SLC24A3: variants seen among roughly 807,000 people sequenced by gnomAD.
The protein encoded by SLC24A3 is solute carrier family 24 member 3.
In SLC24A3, 28 loss-of-function variants were observed where a neutral mutation model predicts 75.8. The ratio of observed to expected loss-of-function variants is 0.37; its 90% CI spans 0.27 to 0.51. The LOEUF is 0.51. Ranked by LOEUF, SLC24A3 falls within the 20% of genes least tolerant of loss-of-function variation. The pLI is 0.94. For synonymous variants in SLC24A3, 372 were observed against 334.1 expected (o/e 1.11, Z -1.24); for missense variants, 663 against 847.8 (o/e 0.78, Z 2.71).
intron 2 of SLC24A3, among the ~76,000 whole-genome samples, chr20:19,395,801 A>C (rs2122395804): frequency 6.6e-6 from 1 of 152,262 alleles, no homozygotes; most frequent in South Asian, 2.1e-4. Context: ...TGGGGTTGTA[A>C]AAGGTTGTGT....
chr20:19,313,620 T>C (rs1163771981), intron 2 of SLC24A3, among the ~76,000 whole-genome samples: 1 of 152,234 alleles, frequency 6.6e-6, no homozygotes, highest in Non-Finnish European at 1.5e-5. Context: ...AGGTCTTTCT[T>C]TTCTTAGTTG....
At chr20:19,685,010 G>T (rs2032657210) in intron 11 of SLC24A3, 90 bp from the exon 12 acceptor site, 24 of 1,476,004 alleles carry the variant, frequency 1.6e-5, no homozygotes, top group Middle Eastern at 2.5e-4. Flanking sequence ...ATCGTCAGCT[G>T]CCAGGGAAAG....
In SLC24A3 at chr20:19,343,084, AG is replaced by A. The variant is rs373026923; in HGVS notation, c.271+61998del. Among the ~76,000 whole-genome samples the A allele has an allele frequency of 2.0e-4, 29 of 145,388 alleles. 2 individuals carry two copies. Among genetic ancestry groups the A allele is most frequent in the South Asian group, 6.4e-4 (3 of 4,716 alleles). On this transcript the variant is annotated intron_variant, in intron 2 of 16. Coordinates refer to ENST00000328041, the MANE Select transcript of SLC24A3 (RefSeq NM_020689.4). ...GACTCCATCTCAAAAAAAAAAAAAA[AG>A]AAAAAAGAAAAAGAAAAAGAAAAGG...
Position 19,722,917 on chromosome 20 carries a change from C to G in SLC24A3, c.*1777C>G, listed in dbSNP as rs1600359068. On this transcript the variant is annotated 3_prime_UTR_variant, in exon 17 of 17. Coordinates refer to ENST00000328041, the MANE Select transcript of SLC24A3 (RefSeq NM_020689.4). The stretch of plus-strand genomic sequence containing the variant: ...TCTCTATCCTTCCCAGAGCAGAGTG[C>G]ATTACTTTCTCCCCTGGAAAGCTGT... 1 of 152,770 alleles carries G rather than the reference C, an allele frequency of 6.5e-6. No individual in the cohort carries two copies. Among genetic ancestry groups the G allele is most frequent in the East Asian group, 1.9e-4 (1 of 5,188 alleles). 9.5% of individuals were successfully genotyped at this position (152,770 alleles called of 1,614,324 possible).
chr20:19,688,631 C>T (rs1302148736), intron 12 of SLC24A3, among the ~76,000 whole-genome samples: 1 of 152,212 alleles, frequency 6.6e-6, no homozygotes, highest in East Asian at 1.9e-4. Flanking sequence ...TGAAAAAGAT[C>T]CGTCCACATG....
intron 15 of SLC24A3, among the ~76,000 whole-genome samples, chr20:19,711,912 A>G (rs951469831): frequency 1.3e-5 from 2 of 151,962 alleles, no homozygotes; most frequent in African/African-American, 4.8e-5. Context: ...TGCTAGGGTT[A>G]CAGGTGTGAG....
intron 2 of SLC24A3, among the ~76,000 whole-genome samples, chr20:19,387,375 G>A (rs1041533531): frequency 2.5e-4 from 38 of 151,396 alleles, no homozygotes; most frequent in Non-Finnish European, 3.8e-4. Flanking sequence ...TGCTGACTTT[G>A]GGCTTCATTC....
chr20:19,492,051 G>T (rs1262821090), intron 2 of SLC24A3, among the ~76,000 whole-genome samples: 2 of 152,186 alleles, frequency 1.3e-5, no homozygotes, highest in African/African-American at 2.4e-5. Context: ...CCGAAGCGGG[G>T]TGCAGATGAA....
chr20:19,525,711 G>A (rs2030186697), intron 3 of SLC24A3, among the ~76,000 whole-genome samples: 1 of 152,134 alleles, frequency 6.6e-6, no homozygotes, highest in Non-Finnish European at 1.5e-5. Flanking sequence ...GGACGAGGAC[G>A]GGCACCAACG....
chr20:19,546,654 A>G (rs998020174), intron 3 of SLC24A3, among the ~76,000 whole-genome samples: 1 of 152,180 alleles, frequency 6.6e-6, no homozygotes, highest in African/African-American at 2.4e-5. Context: ...GCAATTTTTA[A>G]GGTCCTTTCC....
chr20:19,655,516 GGTGT>G, intron 7 of SLC24A3, among the ~76,000 whole-genome samples: 1 of 152,288 alleles, frequency 6.6e-6, no homozygotes, highest in East Asian at 1.9e-4. Flanking sequence ...ACTGGGCTAA[GGTGT>G]GCCCAGAGGG....
intron 2 of SLC24A3, among the ~76,000 whole-genome samples, chr20:19,468,962 A>G (rs1196589565): frequency 6.6e-6 from 1 of 152,198 alleles, no homozygotes; most frequent in Non-Finnish European, 1.5e-5. Flanking sequence ...TGAGGGTTCT[A>G]GAGTGAATGG....
chr20:19,529,312 A>C lies in SLC24A3; in HGVS notation c.348+13748A>C, dbSNP rs548584493. Among the ~76,000 whole-genome samples the C allele has an allele frequency of 1.5e-4, 23 of 152,254 alleles. No homozygotes were observed. In the East Asian group the frequency reaches 4.3e-3, roughly 28 times the overall value. ...GAGCTATGAGGTTTTAGAAGACAAAATTATTTCATTCTCCTTGCAAACCTG... is the reference window on the plus strand; with the variant it reads ...GAGCTATGAGGTTTTAGAAGACAAACTTATTTCATTCTCCTTGCAAACCTG... On this transcript the variant is annotated intron_variant, in intron 3 of 16. Coordinates refer to ENST00000328041, the MANE Select transcript of SLC24A3 (RefSeq NM_020689.4).
intron 6 of SLC24A3, among the ~76,000 whole-genome samples, chr20:19,588,202 G>A (rs951253357): frequency 6.6e-5 from 10 of 152,206 alleles, no homozygotes; most frequent in African/African-American, 1.9e-4. Context: ...GCTCTCCCAG[G>A]CGGTGGAGTT....
At chr20:19,302,570 T>C (rs999332713) in intron 2 of SLC24A3, among the ~76,000 whole-genome samples, 1 of 152,256 alleles carries the variant, frequency 6.6e-6, no homozygotes, top group Non-Finnish European at 1.5e-5. Flanking sequence ...ATTTGCCTTG[T>C]CAGGTCTTCT....
At chr20:19,252,060 C>T (rs1179467548) in intron 1 of SLC24A3, among the ~76,000 whole-genome samples, 4 of 152,114 alleles carry the variant, frequency 2.6e-5, no homozygotes, top group Non-Finnish European at 4.4e-5. Context: ...GTGGTTGCAG[C>T]CCAGCAGCAT....
chr20:19,598,100 G>T (rs1351550995), intron 6 of SLC24A3, among the ~76,000 whole-genome samples: 1 of 152,194 alleles, frequency 6.6e-6, no homozygotes, highest in Non-Finnish European at 1.5e-5. Flanking sequence ...ACAATCAAAG[G>T]AAAGTTTGAG....
At chr20:19,318,072 G>A (rs6112311) in intron 2 of SLC24A3, among the ~76,000 whole-genome samples, 2 of 152,126 alleles carry the variant, frequency 1.3e-5, no homozygotes, top group Non-Finnish European at 1.5e-5. Context: ...CTCAACCAAT[G>A]GCTGATGGGA....
In SLC24A3 at chr20:19,534,430, T is replaced by A. The variant is rs8125718; in HGVS notation, c.348+18866T>A. 3.6e-4 allele frequency among the ~76,000 whole-genome samples: 54 copies of A among 150,706 alleles called. 10 individuals carry two copies. The highest frequency in any genetic ancestry group is 1.1e-3 in the South Asian group (5 of 4,696). ...TGTTTTTTTGTTTTGTTTTGTTTTG[T>A]GACGGAGTCTCGCTCTGTCACCCAG... On this transcript the variant is annotated intron_variant, in intron 3 of 16. Coordinates refer to ENST00000328041, the MANE Select transcript of SLC24A3 (RefSeq NM_020689.4).
Sources: gnomAD v4.1 joint callset for allele counts (sites outside exome capture counted in the v4.1 genomes callset) on GRCh38, gnomAD v4.1.1 for gene constraint, MANE v1.5 for transcripts, NCBI Gene and HGNC (gene_info 2026-07-23, HGNC 2026-07-21) for gene names.